Variants in MOCS2 observed in about 807,000 individuals in gnomAD.
The protein encoded by MOCS2 is molybdenum cofactor synthesis 2.
MOCS2 carries 13 observed loss-of-function variants against 21.9 expected under a neutral mutation model. The observed-to-expected ratio is 0.59, with a 90% CI of 0.39 to 0.94. The LOEUF (loss-of-function observed/expected upper bound fraction) is 0.94. Ranked by LOEUF, MOCS2 falls within the 40% of genes least tolerant of loss-of-function variation. The pLI is 0.00. For synonymous variants in MOCS2, 92 were observed against 80.8 expected, an observed-to-expected ratio of 1.14 and a Z score of -0.74; for missense variants, 227 against 218.3, an observed-to-expected ratio of 1.04 and a Z score of -0.25.
At chr5:53,106,584 A>G (rs1429785042) in intron 3 of MOCS2, among the ~76,000 whole-genome samples, 1 of 152,204 alleles carries the variant, frequency 6.6e-6, no homozygotes, top group Admixed American at 6.5e-5. Context: ...AGATTGAAAA[A>G]ATAACTGATG....
intron 3 of MOCS2, among the ~76,000 whole-genome samples, chr5:53,104,985 C>T (rs751126242): frequency 5.9e-5 from 9 of 152,096 alleles, no homozygotes; most frequent in Non-Finnish European, 1.2e-4. Flanking sequence ...CTATACTGAA[C>T]AATGTTCTTG....
chr5:53,098,718 G>A (rs748874214), intron 6 of MOCS2, 51 bp from the exon 7 acceptor site: 67 of 1,215,514 alleles, frequency 5.5e-5, no homozygotes, highest in East Asian at 4.0e-4. Context: ...TCTACTATAC[G>A]AATATAAAAT....
intron 4 of MOCS2, 21 bp from the exon 5 acceptor site, chr5:53,101,530 A>G (rs1740909399): frequency 6.5e-7 from 1 of 1,533,904 alleles, no homozygotes; most frequent in Non-Finnish European, 9.0e-7. Flanking sequence ...GAAAAAAAAG[A>G]AAAAGAAAAC....
In MOCS2 at chr5:53,102,149, T is replaced by C; in HGVS notation, c.174A>G (p.Glu58=). 6.2e-7 allele frequency: 1 copy of C among 1,613,690 alleles called. No individual in the cohort carries two copies. Among genetic ancestry groups the C allele is most frequent in the Non-Finnish European group, 8.5e-7 (1 of 1,179,720 alleles). The change falls in exon 4 of 7, where the codon GAA becomes GAG. Residue 58 remains glutamate (E), a synonymous_variant. Transcript: ENST00000396954. ...NFTAEKLSVD[E]VSQLVISPLC... ...GCGGAGAAATCACCAACTGTGAGACTTCATCTACTGAAAGTTTCTCGGCAG... is the reference window on the plus strand; with the variant it reads ...GCGGAGAAATCACCAACTGTGAGACCTCATCTACTGAAAGTTTCTCGGCAG...
Position 53,097,218 on chromosome 5 carries a change from A to G in MOCS2, c.*1384T>C, listed in dbSNP as rs972961030. 2 of 152,188 alleles carry G rather than the reference A, an allele frequency of 1.3e-5. No homozygotes were observed. The highest frequency in any genetic ancestry group is 4.1e-4 in the South Asian group (2 of 4,822). The allele number at this position is 152,188 out of a possible 1,614,324, so 9.4% of individuals were successfully genotyped here. ...CAGACGGACTAATGAACAAGCATCA[A>G]CTGATGTAACCAGGTGATTCCTAAA... On this transcript the variant is annotated 3_prime_UTR_variant, in exon 7 of 7. Coordinates refer to ENST00000396954, the MANE Select transcript of MOCS2 (RefSeq NM_004531.5).
intron 1 of MOCS2, 34 bp from the exon 2 acceptor site, chr5:53,108,677 C>A: frequency 6.2e-7 from 1 of 1,604,972 alleles, no homozygotes; most frequent in Non-Finnish European, 8.5e-7. Flanking sequence ...AATAACAACT[C>A]ATACTCGTTT....
rs536964473 is a variant in MOCS2, at chr5:53,096,159, C to T, written c.*2443G>A. 1 of 152,032 alleles carries T rather than the reference C, an allele frequency of 6.6e-6. No homozygotes were observed. The highest frequency in any genetic ancestry group is 1.5e-5 in the Non-Finnish European group (1 of 67,994). The allele number at this position is 152,032 out of a possible 1,614,324, so 9.4% of individuals were successfully genotyped here. The stretch of plus-strand genomic sequence containing the variant: ...ATCCACCGAACTACATCACACAAAT[C>T]ATTCTTGAGAGATCTTCACTGTACC... On this transcript the variant is annotated 3_prime_UTR_variant, in exon 7 of 7. Coordinates refer to ENST00000396954, the MANE Select transcript of MOCS2 (RefSeq NM_004531.5).
At chr5:53,098,849 TAAACA>T in intron 6 of MOCS2, 182 bp from the exon 7 acceptor site, 2 of 607,416 alleles carry the variant, frequency 3.3e-6, no homozygotes, top group Non-Finnish European at 5.8e-6. Flanking sequence ...TCTTTAGTTT[TAAACA>T]TTTTTTTTTC....
intron 6 of MOCS2, 39 bp from the exon 7 acceptor site, chr5:53,098,706 A>C (rs1346923953): frequency 7.6e-7 from 1 of 1,309,288 alleles, no homozygotes; most frequent in African/African-American, 1.5e-5. Context: ...AAAATAGACC[A>C]TTCTACTATA....
In MOCS2 at chr5:53,109,482, G is replaced by C. The variant is rs939551630; in HGVS notation, c.-401C>G. On this transcript the variant is annotated 5_prime_UTR_variant, in exon 1 of 7. Transcript: ENST00000396954. ...CGTCCTTGCTGCCGTGAGCTGACAA[G>C]AGTTCTCGGAGAGGACCCGACTTCT... The C allele has an allele frequency of 2.3e-6, 3 of 1,320,146 alleles. No individual in the cohort carries two copies. Among genetic ancestry groups the C allele is most frequent in the African/African-American group, 3.1e-5 (2 of 65,064 alleles). 81.8% of individuals were successfully genotyped at this position (1,320,146 alleles called of 1,614,324 possible).
intron 3 of MOCS2, among the ~76,000 whole-genome samples, chr5:53,103,495 T>C (rs1169159944): frequency 6.6e-6 from 1 of 152,188 alleles, no homozygotes; most frequent in Non-Finnish European, 1.5e-5. Context: ...GGTAAGTAAC[T>C]GAGGAAATAA....
chr5:53,098,637 C>T lies in MOCS2; in HGVS notation c.532G>A (p.Gly178Arg), dbSNP rs1740821128. Reference sequence around the variant, plus strand: ...GATGCCCAAAAGCACTCTTTGTTTCCTTTCCAAGTTGATGACTCTTCGTAT... The same window carrying T: ...GATGCCCAAAAGCACTCTTTGTTTCTTTTCCAAGTTGATGACTCTTCGTAT... Reference protein sequence around the residue: ...EIYEESSTWKGNKECFWASNS With the variant: ...EIYEESSTWKRNKECFWASNS The change falls in exon 7 of 7, where the codon GGA becomes AGA. Residue 178 changes from glycine (G) to arginine (R), a missense_variant. Coordinates refer to ENST00000396954, the MANE Select transcript of MOCS2 (RefSeq NM_004531.5). 2 of 1,613,836 alleles carry T rather than the reference C, an allele frequency of 1.2e-6. No individual in the cohort carries two copies. The highest frequency in any genetic ancestry group is 2.2e-5 in the East Asian group (1 of 44,806).
At position 53,097,705 on chromosome 5, in the gene MOCS2, G is replaced by A. The variant is rs1429913554; in HGVS notation, c.*897C>T. On this transcript the variant is annotated 3_prime_UTR_variant, in exon 7 of 7. Coordinates refer to ENST00000396954, the MANE Select transcript of MOCS2 (RefSeq NM_004531.5). ...ATGGTAATCACCTCACAATGTATAT[G>A]TGTATCAAAAATCACATTGTATACT... is the stretch of plus-strand genomic sequence containing the variant. 6.6e-6 allele frequency: 1 copy of A among 152,094 alleles called. No individual in the cohort carries two copies. Among genetic ancestry groups the A allele is most frequent in the African/African-American group, 2.4e-5 (1 of 41,396 alleles). 9.4% of individuals were successfully genotyped at this position (152,094 alleles called of 1,614,324 possible). A position where few individuals can be genotyped will look rare whatever the true frequency, so the allele number is the denominator to read the frequency against.
intron 3 of MOCS2, among the ~76,000 whole-genome samples, chr5:53,104,074 T>A (rs1342633674): frequency 6.6e-6 from 1 of 152,190 alleles, no homozygotes; most frequent in Non-Finnish European, 1.5e-5. Context: ...TCAGAGAAGT[T>A]AAGGAACTCA....
Position 53,109,729 on chromosome 5 carries a change from TC to T in MOCS2, c.-649del, listed in dbSNP as rs1561179113. On this transcript the variant is annotated 5_prime_UTR_variant, in exon 1 of 7. Coordinates refer to ENST00000396954, the MANE Select transcript of MOCS2 (RefSeq NM_004531.5). ...ACCCTTACCTGGCACAGCGGCACCATCCCGCCTAGGACAGCGGGACCGAATC... is the reference window on the plus strand; with the variant it reads ...ACCCTTACCTGGCACAGCGGCACCATCCGCCTAGGACAGCGGGACCGAATC... 6.4e-7 allele frequency: 1 copy of T among 1,550,990 alleles called. No individual in the cohort carries two copies. Among genetic ancestry groups the T allele is most frequent in the East Asian group, 2.4e-5 (1 of 40,924 alleles).
At position 53,096,309 on chromosome 5, in the gene MOCS2, A is replaced by G. The variant is rs904132725; in HGVS notation, c.*2293T>C. 6.6e-6 allele frequency: 1 copy of G among 152,254 alleles called. No individual in the cohort carries two copies. The highest frequency in any genetic ancestry group is 2.4e-5 in the African/African-American group (1 of 41,472). The allele number at this position is 152,254 out of a possible 1,614,324, so 9.4% of individuals were successfully genotyped here. On this transcript the variant is annotated 3_prime_UTR_variant, in exon 7 of 7. Transcript: ENST00000396954. The stretch of plus-strand genomic sequence containing the variant: ...GTCCACAAAATAAGTCACTCATTGA[A>G]TATCTGCTGTTACTTTCATTCAAAG...
At chr5:53,101,573 T>C (rs980663758) in intron 4 of MOCS2, 64 bp from the exon 5 acceptor site, 4 of 1,147,818 alleles carry the variant, frequency 3.5e-6, no homozygotes, top group Admixed American at 2.0e-5. Context: ...ACAAAAGAAA[T>C]AGCACGTTAA....
rs1022858065 is a variant in MOCS2 at position 53,109,357 on chromosome 5, T to C, written c.-276A>G. On this transcript the variant is annotated 5_prime_UTR_variant, in exon 1 of 7. An upstream start codon of the reference 5' UTR is lost. Transcript: ENST00000396954. ...CACAGTTCTTCACAAGAATTCTCCA[T>C]GAGGTGCATTTCTTTTTAGATTAAA... The C allele has an allele frequency of 7.2e-6, 8 of 1,118,076 alleles. No individual in the cohort carries two copies. In the African/African-American group the frequency reaches 9.7e-5, roughly 14 times the overall value. 69.3% of individuals were successfully genotyped at this position (1,118,076 alleles called of 1,614,324 possible). A position where few individuals can be genotyped will look rare whatever the true frequency, so the allele number is the denominator to read the frequency against.
At position 53,101,460 on chromosome 5, in the gene MOCS2, A is replaced by G. The variant is rs139559468; in HGVS notation, c.276T>C (p.Tyr92=). Residue 92 remains tyrosine (Y), a synonymous_variant, in exon 5 of 7, where the codon TAT becomes TAC. Transcript: ENST00000396954. The stretch of plus-strand genomic sequence containing the variant: ...TTTCCGCCATGGGTAGATATGCTTC[A>G]TATTCTAAGCTAATGACTTTTTTCC... ...FEGKKVISLE[Y]EAYLPMAENE... is the part of the protein sequence containing the mutation. 1.9e-4 allele frequency: 307 copies of G among 1,612,290 alleles called. No individual in the cohort carries two copies. Among genetic ancestry groups the G allele is most frequent in the Non-Finnish European group, 2.5e-4 (295 of 1,178,740 alleles).
Sources: allele counts gnomAD v4.1 joint callset (sites outside exome capture counted in the v4.1 genomes callset), GRCh38; gene constraint gnomAD v4.1.1; transcripts MANE v1.5; gene names NCBI Gene and HGNC (gene_info 2026-07-23, HGNC 2026-07-21).